The following ITGA9 variants were observed in gnomAD, a reference collection of about 807,000 sequenced individuals.
ITGA9 encodes integrin subunit alpha 9.
In ITGA9, 56 loss-of-function variants were observed where a neutral mutation model predicts 127.8. The observed-to-expected ratio is 0.44, with a 90% confidence interval of 0.35 to 0.55. The LOEUF (loss-of-function observed/expected upper bound fraction) is 0.55. Ranked by LOEUF, ITGA9 falls within the 20% of genes least tolerant of loss-of-function variation. The pLI, the probability that ITGA9 is intolerant of heterozygous loss-of-function variation, is 0.00. For synonymous variants in ITGA9, 508 were observed against 514.5 expected, an observed-to-expected ratio of 0.99 and a Z score of 0.17; for missense variants, 1,196 against 1,347.1, an observed-to-expected ratio of 0.89 and a Z score of 1.76.
intron 17 of ITGA9, among the ~76,000 whole-genome samples, chr3:37,660,779 G>A (rs1487714052): frequency 1.3e-5 from 2 of 152,218 alleles, no homozygotes. Flanking sequence ...GACTCAGCTG[G>A]ACCTTGGCTG....
At chr3:37,611,113 T>A (rs796948303) in intron 15 of ITGA9, among the ~76,000 whole-genome samples, 38 of 152,324 alleles carry the variant, frequency 2.5e-4, no homozygotes, top group African/African-American at 8.2e-4. Context: ...GGTTAGTCTA[T>A]TGAATAAAGC....
intron 17 of ITGA9, among the ~76,000 whole-genome samples, chr3:37,677,218 T>C (rs1700690510): frequency 6.6e-6 from 1 of 152,254 alleles, no homozygotes; most frequent in Non-Finnish European, 1.5e-5. Context: ...TAATTCTTCA[T>C]GTTATAATCA....
intron 15 of ITGA9, among the ~76,000 whole-genome samples, chr3:37,577,232 C>T (rs1180001763): frequency 1.3e-5 from 2 of 152,274 alleles, no homozygotes; most frequent in Admixed American, 6.5e-5. Context: ...TGGCCAAGCC[C>T]TTCAGCCTTT....
At chr3:37,691,755 GTCAAA>G (rs1700834391) in intron 18 of ITGA9, among the ~76,000 whole-genome samples, 2 of 152,174 alleles carry the variant, frequency 1.3e-5, no homozygotes, top group Admixed American at 6.5e-5. Context: ...AGATAAATTA[GTCAAA>G]GAGATGAGAG....
At chr3:37,498,361 T>A (rs1196950960) in intron 5 of ITGA9, among the ~76,000 whole-genome samples, 1 of 152,102 alleles carries the variant, frequency 6.6e-6, no homozygotes, top group Non-Finnish European at 1.5e-5. Flanking sequence ...ACATCAGAAC[T>A]CAACGGAGAT....
intron 15 of ITGA9, among the ~76,000 whole-genome samples, chr3:37,617,405 T>G (rs1208006765): frequency 6.6e-5 from 10 of 152,332 alleles, no homozygotes; most frequent in African/African-American, 2.4e-4. Context: ...ATTTTTTCCT[T>G]CATTTCAGCT....
chr3:37,604,475 T>C (rs1559547196), intron 15 of ITGA9, among the ~76,000 whole-genome samples: 1 of 152,240 alleles, frequency 6.6e-6, no homozygotes, highest in South Asian at 2.1e-4. Context: ...TGTGTATAAC[T>C]GGAGGGTAGC....
In ITGA9 at chr3:37,629,127, A is replaced by G. The variant is rs1162280481; in HGVS notation, c.1690-60A>G. On this transcript the variant is annotated intron_variant, in intron 15 of 27. Transcript: ENST00000264741. The surrounding 1 kb of genome is among the most constrained non-coding windows in gnomAD (Gnocchi z 4.5). ...GTAGAAGGTCTTTGTAAACTGTGAA[A>G]TGCTCTACGACTGTCAGCCAGGATT... The G allele has an allele frequency of 4.4e-6, 7 of 1,594,968 alleles. No homozygotes were observed. The highest frequency in any genetic ancestry group is 6.0e-6 in the Non-Finnish European group (7 of 1,164,516).
At chr3:37,811,373 C>T (rs963836085) in intron 27 of ITGA9, among the ~76,000 whole-genome samples, 9 of 152,146 alleles carry the variant, frequency 5.9e-5, no homozygotes, top group African/African-American at 1.9e-4. Flanking sequence ...TTAAATTGCT[C>T]AGAGGTGCAG....
chr3:37,481,608 G>A lies in ITGA9; in HGVS notation c.544+1G>A, dbSNP rs753381211. Reference sequence around the variant, plus strand: ...AGGACGCTGATCCCTTGCTATGAAGGTGAGCATGGATTGATTTTTCCTCAT... The same window carrying A: ...AGGACGCTGATCCCTTGCTATGAAGATGAGCATGGATTGATTTTTCCTCAT... On this transcript the variant is annotated splice_donor_variant, in intron 4 of 27. Transcript: ENST00000264741. LOFTEE classifies it high-confidence loss of function. 4 of 1,614,066 alleles carry A rather than the reference G, an allele frequency of 2.5e-6. No homozygotes were observed. The South Asian group carries it at 3.3e-5, about 13-fold the overall frequency.
chr3:37,504,781 G>A (rs1698823805), intron 6 of ITGA9, among the ~76,000 whole-genome samples: 2 of 152,184 alleles, frequency 1.3e-5, no homozygotes, highest in African/African-American at 4.8e-5. Flanking sequence ...GGTACTATCA[G>A]TCGCCAGTCT....
intron 1 of ITGA9, among the ~76,000 whole-genome samples, chr3:37,463,438 T>A (rs1698337474): frequency 1.3e-5 from 2 of 152,174 alleles, no homozygotes; most frequent in Admixed American, 6.5e-5. Flanking sequence ...TGGCAAAGGA[T>A]GGCTTCAGCT....
chr3:37,777,724 G>C (rs978426947), intron 24 of ITGA9, among the ~76,000 whole-genome samples: 6 of 152,158 alleles, frequency 3.9e-5, no homozygotes, highest in African/African-American at 1.4e-4. Context: ...CTGGAAAAGG[G>C]ATAAATCTTT....
chr3:37,671,468 G>T (rs188220122), intron 17 of ITGA9, among the ~76,000 whole-genome samples: 7 of 152,330 alleles, frequency 4.6e-5, no homozygotes, highest in African/African-American at 1.7e-4. Flanking sequence ...CAGGGACATG[G>T]ACGTGCTATT....
chr3:37,742,226 C>T (rs992832393), intron 21 of ITGA9, among the ~76,000 whole-genome samples: 6 of 152,214 alleles, frequency 3.9e-5, no homozygotes, highest in Non-Finnish European at 8.8e-5. Context: ...CCAGATGTGT[C>T]TCCAGTCCTG....
chr3:37,685,962 A>G (rs1365935947), intron 18 of ITGA9, among the ~76,000 whole-genome samples: 1 of 152,198 alleles, frequency 6.6e-6, no homozygotes, highest in Non-Finnish European at 1.5e-5. Flanking sequence ...ATATTCTACC[A>G]TATGGATATA....
intron 5 of ITGA9, among the ~76,000 whole-genome samples, chr3:37,500,135 G>A (rs1698773534): frequency 6.6e-6 from 1 of 152,160 alleles, no homozygotes; most frequent in Non-Finnish European, 1.5e-5. Context: ...TCAAGGCCAG[G>A]AGAAAAAGTC....
At chr3:37,529,942 C>T (rs1559529186) in intron 13 of ITGA9, among the ~76,000 whole-genome samples, 1 of 152,122 alleles carries the variant, frequency 6.6e-6, no homozygotes, top group Non-Finnish European at 1.5e-5. Flanking sequence ...GAGGGGCTCT[C>T]ATCTTCTGAG....
At chr3:37,718,730 C>G (rs1161328071) in intron 18 of ITGA9, among the ~76,000 whole-genome samples, 1 of 152,162 alleles carries the variant, frequency 6.6e-6, no homozygotes, top group Non-Finnish European at 1.5e-5. Flanking sequence ...ACTTGATTGT[C>G]CATCAGAACC....
Sources: allele counts gnomAD v4.1 joint callset (sites outside exome capture counted in the v4.1 genomes callset), GRCh38; gene constraint gnomAD v4.1.1; non-coding constraint Gnocchi (gnomAD v3.1); transcripts MANE v1.5; gene names NCBI Gene and HGNC (gene_info 2026-07-23, HGNC 2026-07-21).